SVEP1: variants seen among roughly 807,000 people sequenced by gnomAD.
SVEP1 encodes the protein sushi, von Willebrand factor type A, EGF and pentraxin domain containing 1.
A neutral mutation model predicts 367.3 loss-of-function variants in SVEP1; 164 were observed. That is an observed-to-expected ratio of 0.45 (90% confidence interval 0.39 to 0.51). The LOEUF (loss-of-function observed/expected upper bound fraction) is 0.51, where lower values mean the gene tolerates loss of function less well. Among genes scored for constraint, SVEP1 ranks in the 20% least tolerant of loss-of-function variants. SVEP1 has a pLI of 0.00. For missense variants in SVEP1, 4,117 were observed against 4,425.3 expected, an observed-to-expected ratio of 0.93 and a Z score of 1.98; for synonymous variants, 1,666 against 1,611.6, an observed-to-expected ratio of 1.03 and a Z score of -0.81.
At chr9:110,520,290 C>T (rs1829860755) in intron 3 of SVEP1, among the ~76,000 whole-genome samples, 1 of 151,964 alleles carries the variant, frequency 6.6e-6, no homozygotes, top group African/African-American at 2.4e-5. Context: ...ATTCCTCATC[C>T]CAAACCAAGC....
At chr9:110,458,923 G>A in intron 19 of SVEP1, 29 bp downstream of exon 19, 2 of 1,602,158 alleles carry the variant, frequency 1.2e-6, no homozygotes, top group Non-Finnish European at 1.7e-6. Flanking sequence ...TCCAACATAG[G>A]ATTACATAAG....
intron 3 of SVEP1, among the ~76,000 whole-genome samples, chr9:110,515,793 G>T (rs1037382885): frequency 3.9e-5 from 6 of 152,280 alleles, no homozygotes; most frequent in African/African-American, 1.4e-4. Context: ...GACAGAGATA[G>T]AATTTTAAAG....
chr9:110,405,125 G>C (rs892130759), intron 38 of SVEP1, among the ~76,000 whole-genome samples: 2 of 152,092 alleles, frequency 1.3e-5, no homozygotes, highest in African/African-American at 4.8e-5. Flanking sequence ...TGTTTTTGAT[G>C]TTATTTACCT....
At chr9:110,370,186 A>ATGTG (rs562977786) in intron 46 of SVEP1, among the ~76,000 whole-genome samples, 170 bp from the exon 47 acceptor site, 177 of 152,018 alleles carry the variant, frequency 1.2e-3, no homozygotes, top group African/African-American at 4.1e-3. Context: ...TCACATCCTT[A>ATGTG]TGTGGTACCA....
At chr9:110,535,456 G>T (rs367965315) in intron 3 of SVEP1, among the ~76,000 whole-genome samples, 5 of 152,022 alleles carry the variant, frequency 3.3e-5, no homozygotes, top group Non-Finnish European at 5.9e-5. Context: ...AACATGATGC[G>T]TCCACCTTTT....
intron 46 of SVEP1, among the ~76,000 whole-genome samples, chr9:110,371,856 C>T (rs547346414): frequency 2.0e-5 from 3 of 147,490 alleles, no homozygotes; most frequent in South Asian, 2.1e-4. Flanking sequence ...TTTACAATCC[C>T]GCAATGAATC....
chr9:110,431,883 T>C (rs377107533), intron 32 of SVEP1, 32 bp downstream of exon 32: 42 of 1,612,260 alleles, frequency 2.6e-5, no homozygotes, highest in Admixed American at 6.7e-5. Flanking sequence ...AGAATGGAAT[T>C]AGGAACTTTT....
At chr9:110,478,927 CT>C (rs113223424) in intron 13 of SVEP1, among the ~76,000 whole-genome samples, 49 of 103,704 alleles carry the variant, frequency 4.7e-4, no homozygotes, top group Admixed American at 7.3e-4. Context: ...CTTTCTTCTT[CT>C]TTTTTTTTTT....
chr9:110,489,889 G>A (rs1829341001), intron 8 of SVEP1, 110 bp from the exon 9 acceptor site: 4 of 1,331,978 alleles, frequency 3.0e-6, no homozygotes, highest in Admixed American at 2.7e-5. Flanking sequence ...TTCACAAAGA[G>A]GAAAGGAAAA....
chr9:110,496,582 C>A (rs976515597), intron 8 of SVEP1, among the ~76,000 whole-genome samples: 12 of 152,194 alleles, frequency 7.9e-5, no homozygotes, highest in African/African-American at 2.7e-4. Context: ...GGACTGACTT[C>A]CTTGCTCCTC....
chr9:110,458,214 C>T lies in SVEP1; in HGVS notation c.3576+257G>A, dbSNP rs920562026. The T allele has an allele frequency of 1.7e-5, 10 of 586,162 alleles. No homozygotes were observed. The Admixed American group carries it at 2.5e-4, about 15-fold the overall frequency. 36.3% of individuals were successfully genotyped at this position (586,162 alleles called of 1,614,324 possible). On this transcript the variant is annotated intron_variant, in intron 20 of 47. Coordinates refer to ENST00000374469, the MANE Select transcript of SVEP1 (RefSeq NM_153366.4). The stretch of plus-strand genomic sequence containing the variant: ...AGTGCTTATAGTGAATCAAAAGGCT[C>T]CCCCTGGATCTACTCATTCTTATTG...
intron 3 of SVEP1, among the ~76,000 whole-genome samples, chr9:110,515,451 C>T (rs1355075852): frequency 6.6e-6 from 1 of 152,010 alleles, no homozygotes; most frequent in Non-Finnish European, 1.5e-5. Context: ...CAGGCACCCG[C>T]CACCACGCCT....
intron 41 of SVEP1, among the ~76,000 whole-genome samples, chr9:110,388,712 T>C (rs535772721): frequency 6.6e-6 from 1 of 152,304 alleles, no homozygotes; most frequent in African/African-American, 2.4e-5. Context: ...CTCATGCCTA[T>C]AATCCCAGCA....
chr9:110,414,704 G>C (rs1828092034), intron 36 of SVEP1, among the ~76,000 whole-genome samples: 1 of 151,868 alleles, frequency 6.6e-6, no homozygotes, highest in African/African-American at 2.4e-5. Flanking sequence ...ATGAGCATGT[G>C]CCTGGAGAGC....
At chr9:110,517,454 T>G (rs1055620760) in intron 3 of SVEP1, among the ~76,000 whole-genome samples, 2 of 151,292 alleles carry the variant, frequency 1.3e-5, no homozygotes, top group Admixed American at 6.6e-5. Flanking sequence ...AAAAGTTAGC[T>G]GGACATGGTG....
At chr9:110,483,431 A>G (rs1437648176) in intron 10 of SVEP1, among the ~76,000 whole-genome samples, 155 bp downstream of exon 10, 1 of 152,238 alleles carries the variant, frequency 6.6e-6, no homozygotes, top group Non-Finnish European at 1.5e-5. Flanking sequence ...TTAAATTATA[A>G]TTATTCTAGC....
chr9:110,543,401 T>C (rs1463994244), intron 3 of SVEP1, among the ~76,000 whole-genome samples: 1 of 152,232 alleles, frequency 6.6e-6, no homozygotes, highest in East Asian at 1.9e-4. Flanking sequence ...CTGGTGTTCT[T>C]GGCTAGAACC....
chr9:110,450,573 G>A (rs1232816847), intron 23 of SVEP1, among the ~76,000 whole-genome samples: 2 of 146,256 alleles, frequency 1.4e-5, no homozygotes, highest in African/African-American at 5.1e-5. Context: ...AGGTTCAAGC[G>A]ATTCTCCTGC....
At chr9:110,542,055 C>T (rs773904385) in intron 3 of SVEP1, among the ~76,000 whole-genome samples, 7 of 152,118 alleles carry the variant, frequency 4.6e-5, no homozygotes, top group South Asian at 2.1e-4. Flanking sequence ...TTAAGTTGCT[C>T]ATAGCCATGC....
Sources: gnomAD v4.1 joint callset for allele counts (sites outside exome capture counted in the v4.1 genomes callset) on GRCh38, gnomAD v4.1.1 for gene constraint, MANE v1.5 for transcripts, NCBI Gene and HGNC (gene_info 2026-07-23, HGNC 2026-07-21) for gene names.